The following ALK variants were observed in gnomAD, a reference collection of about 807,000 sequenced individuals.
ALK encodes ALK receptor tyrosine kinase.
A neutral mutation model predicts 163.1 loss-of-function variants in ALK; 74 were observed. The ratio of observed to expected loss-of-function variants is 0.45; its 90% CI spans 0.38 to 0.55. The LOEUF (loss-of-function observed/expected upper bound fraction) is 0.55, where lower values mean the gene tolerates loss of function less well. Among genes scored for constraint, ALK ranks in the 20% least tolerant of loss-of-function variants. The probability of loss-of-function intolerance (pLI) is 0.00; values close to 1 mark genes in which losing one functional copy is unlikely to be tolerated. For synonymous variants in ALK, 960 were observed against 843.2 expected (o/e 1.14, Z -2.40); for missense variants, 2,063 against 2,105.3 (o/e 0.98, Z 0.39).
At chr2:29,304,882 G>C (rs1399799421) in intron 8 of ALK, among the ~76,000 whole-genome samples, 1 of 152,226 alleles carries the variant, frequency 6.6e-6, no homozygotes, top group African/African-American at 2.4e-5. Context: ...GTGATATTGT[G>C]AATGACATGG....
intron 1 of ALK, among the ~76,000 whole-genome samples, chr2:29,725,564 G>A (rs1046189410): frequency 1.3e-5 from 2 of 152,156 alleles, no homozygotes; most frequent in Non-Finnish European, 2.9e-5. Context: ...TGTTAATGAC[G>A]ATGGATTGTA....
intron 5 of ALK, among the ~76,000 whole-genome samples, chr2:29,352,003 C>G (rs1288882946): frequency 6.6e-6 from 1 of 152,168 alleles, no homozygotes; most frequent in South Asian, 2.1e-4. Flanking sequence ...GGCAGCCACT[C>G]TCTCTTCTTC....
At chr2:29,799,487 T>C (rs562995064) in intron 1 of ALK, among the ~76,000 whole-genome samples, 1 of 151,922 alleles carries the variant, frequency 6.6e-6, no homozygotes, top group East Asian at 1.9e-4. Flanking sequence ...GGAAACACAG[T>C]GGGATCCTGT....
intron 3 of ALK, among the ~76,000 whole-genome samples, chr2:29,630,732 C>T (rs1450598823): frequency 6.6e-6 from 1 of 151,668 alleles, no homozygotes; most frequent in African/African-American, 2.4e-5. Context: ...CTAGATTAAC[C>T]CAGGCTATAT....
intron 1 of ALK, among the ~76,000 whole-genome samples, chr2:29,825,232 T>C (rs1665164885): frequency 1.3e-5 from 2 of 152,256 alleles, no homozygotes; most frequent in Admixed American, 6.5e-5. Context: ...CTCAGGTATG[T>C]CTTTATCAGC....
chr2:29,762,725 T>A (rs939790513), intron 1 of ALK, among the ~76,000 whole-genome samples: 3 of 152,192 alleles, frequency 2.0e-5, no homozygotes, highest in African/African-American at 4.8e-5. Context: ...GTTGCAGCCA[T>A]GCAAGGAGGT....
At chr2:29,248,627 CCGG>C (rs1161112775) in intron 12 of ALK, among the ~76,000 whole-genome samples, 1 of 152,142 alleles carries the variant, frequency 6.6e-6, no homozygotes, top group Non-Finnish European at 1.5e-5. Context: ...GTGCTGGGGC[CCGG>C]AGCTGGCCTC....
chr2:29,498,887 A>T (rs1672098896), intron 4 of ALK, among the ~76,000 whole-genome samples: 1 of 152,148 alleles, frequency 6.6e-6, no homozygotes, highest in Non-Finnish European at 1.5e-5. Flanking sequence ...TGGCATGAAA[A>T]AGCCAAGGAC....
chr2:29,596,260 A>G (rs545564283), intron 3 of ALK, among the ~76,000 whole-genome samples: 2 of 152,230 alleles, frequency 1.3e-5, no homozygotes, highest in Non-Finnish European at 2.9e-5. Flanking sequence ...ACTTCTCCCT[A>G]TATTCCTATT....
intron 1 of ALK, among the ~76,000 whole-genome samples, chr2:29,775,596 T>C (rs1473881068): frequency 6.6e-6 from 1 of 152,076 alleles, no homozygotes; most frequent in Non-Finnish European, 1.5e-5. Context: ...TCTCTCTGTT[T>C]ATACCTTTAG....
intron 4 of ALK, among the ~76,000 whole-genome samples, chr2:29,453,559 T>C (rs1308451811): frequency 6.6e-6 from 1 of 152,132 alleles, no homozygotes; most frequent in Non-Finnish European, 1.5e-5. Flanking sequence ...TTCTTTTTTT[T>C]GAAAAAAATA....
chr2:29,471,946 T>C (rs1017092127), intron 4 of ALK, among the ~76,000 whole-genome samples: 5 of 152,220 alleles, frequency 3.3e-5, no homozygotes, highest in Admixed American at 1.3e-4. Flanking sequence ...TTTTACCATG[T>C]TGGCCAGGCT....
chr2:29,887,826 A>G (rs1453635734), intron 1 of ALK, among the ~76,000 whole-genome samples: 1 of 152,202 alleles, frequency 6.6e-6, no homozygotes, highest in Non-Finnish European at 1.5e-5. Flanking sequence ...TTTAATTTAA[A>G]ACTCAGACAG....
rs183932006 is a variant in ALK, at chr2:29,241,339, C to G, written c.2205-1509G>C. 5.3e-5 allele frequency among the ~76,000 whole-genome samples: 8 copies of G among 152,214 alleles called. No homozygotes were observed. The East Asian group carries it at 1.5e-3, about 29-fold the overall frequency. ...TCCTGCCCCTGTGCCCTCTCTGAGCCCCAGCCCCTTTCCTAGTAAGAGAAG... is the reference window on the plus strand; with the variant it reads ...TCCTGCCCCTGTGCCCTCTCTGAGCGCCAGCCCCTTTCCTAGTAAGAGAAG... On this transcript the variant is annotated intron_variant, in intron 12 of 28. Transcript: ENST00000389048.
chr2:29,564,189 A>G (rs67905534), intron 3 of ALK, among the ~76,000 whole-genome samples: 18,784 of 152,134 alleles, frequency 0.12, 1,521 homozygotes, highest in Non-Finnish European at 0.19. Context: ...ACTCAGCTAC[A>G]TGGGAAGCTA....
chr2:29,894,069 T>G (rs948742590), intron 1 of ALK, among the ~76,000 whole-genome samples: 1 of 152,182 alleles, frequency 6.6e-6, no homozygotes, highest in African/African-American at 2.4e-5. Context: ...ATAATTTAAG[T>G]GCTCATAAAC....
At chr2:29,799,494 C>A (rs1169942366) in intron 1 of ALK, among the ~76,000 whole-genome samples, 1 of 151,044 alleles carries the variant, frequency 6.6e-6, no homozygotes, top group African/African-American at 2.5e-5. Flanking sequence ...CAGTGGGATC[C>A]TGTCTCAAAA....
intron 9 of ALK, among the ~76,000 whole-genome samples, chr2:29,286,992 C>G (rs1301628914): frequency 6.6e-6 from 1 of 151,882 alleles, no homozygotes; most frequent in East Asian, 1.9e-4. Flanking sequence ...GACTACATTC[C>G]CCAGCACCCT....
At chr2:29,879,042 A>G (rs1666793337) in intron 1 of ALK, among the ~76,000 whole-genome samples, 1 of 152,166 alleles carries the variant, frequency 6.6e-6, no homozygotes, top group Non-Finnish European at 1.5e-5. Flanking sequence ...GCAGAAGTCA[A>G]TTCTACCCAG....
Sources: allele counts gnomAD v4.1 joint callset (sites outside exome capture counted in the v4.1 genomes callset), GRCh38; gene constraint gnomAD v4.1.1; transcripts MANE v1.5; gene names NCBI Gene and HGNC (gene_info 2026-07-23, HGNC 2026-07-21).